The following ERI2 variants were observed in gnomAD, a reference collection of about 807,000 sequenced individuals.
ERI2 encodes ERI1 exoribonuclease family member 2.
ERI2 carries 35 observed loss-of-function variants against 46.8 expected under a neutral mutation model. That is an observed-to-expected ratio of 0.75 (90% confidence interval 0.57 to 0.99). The LOEUF is 0.99. Ranked by LOEUF, ERI2 falls within the 50% of genes least tolerant of loss-of-function variation. ERI2 has a pLI of 0.00. For synonymous variants in ERI2, 224 were observed against 271.0 expected (o/e 0.83, Z 1.70); for missense variants, 695 against 796.2 (o/e 0.87, Z 1.53).
chr16:20,799,958 A>C lies in ERI2; in HGVS notation c.642T>G (p.Ser214=). 1 of 1,583,140 alleles carries C rather than the reference A, an allele frequency of 6.3e-7. No homozygotes were observed. Among genetic ancestry groups the C allele is most frequent in the Non-Finnish European group, 8.7e-7 (1 of 1,155,548 alleles). The change falls in exon 7 of 9, where the codon TCT becomes TCG. Residue 214 remains serine, a splice_region_variant and synonymous_variant. Transcript: ENST00000357967. ...ACATAATTTTTAATGTATACTAACCAGAATGTTCTCGTCCTGAGAATTCTA... is the reference window on the plus strand; with the variant it reads ...ACATAATTTTTAATGTATACTAACCCGAATGTTCTCGTCCTGAGAATTCTA... ...VGIEFSGREH[S]GLDDSRNTAL...
chr16:20,806,357 C>CA (rs1567374975), intron 1 of ERI2, 51 bp downstream of exon 1: 1 of 1,546,764 alleles, frequency 6.5e-7, no homozygotes, highest in South Asian at 1.2e-5. Flanking sequence ...CGGCCAACGC[C>CA]AGCGCTGGAC....
chr16:20,794,021 A>G (rs1283053289), downstream of ERI2, among the ~76,000 whole-genome samples: 2 of 152,118 alleles, frequency 1.3e-5, no homozygotes, highest in African/African-American at 4.8e-5. Context: ...TGAGGGGGAA[A>G]GTGTGGCCAG....
chr16:20,796,322 A>T (rs2080722497), downstream of ERI2: 2 of 1,594,950 alleles, frequency 1.3e-6, no homozygotes, highest in African/African-American at 2.7e-5. Flanking sequence ...ATACTAAAAC[A>T]TACAAATGCA....
Position 20,800,296 on chromosome 16 carries a change from C to T in ERI2, c.561+6G>A. The T allele has an allele frequency of 1.3e-6, 2 of 1,587,028 alleles. No homozygotes were observed. The highest frequency in any genetic ancestry group is 1.3e-5 in the African/African-American group (1 of 74,300). On this transcript the variant is annotated splice_donor_region_variant and intron_variant, in intron 6 of 8. Coordinates refer to ENST00000357967, the MANE Select transcript of ERI2 (RefSeq NM_001142725.2). ...AAGTAAACATGCCCCCATTTTTTAC[C>T]ATTACCTTGTAAGTTGCTCTGAGAT...
intron 3 of ERI2, 100 bp downstream of exon 3, chr16:20,803,333 T>TAGAC: frequency 3.7e-6 from 5 of 1,359,496 alleles, no homozygotes; most frequent in Non-Finnish European, 5.0e-6. Context: ...TACCAATGCA[T>TAGAC]AGACCATCCT....
At chr16:20,789,964 G>A (rs2080561110) in intron 9 of ERI2, among the ~76,000 whole-genome samples, 1 of 151,950 alleles carries the variant, frequency 6.6e-6, no homozygotes, top group Non-Finnish European at 1.5e-5. Flanking sequence ...ATGAGCCACT[G>A]CGCCCAGCCA....
intron 7 of ERI2, 66 bp from the exon 8 acceptor site, chr16:20,799,417 ATAACT>A: frequency 1.4e-6 from 2 of 1,441,294 alleles, no homozygotes; most frequent in Non-Finnish European, 1.9e-6. Flanking sequence ...TACTAAAGAA[ATAACT>A]TAAAAAGAAA....
At chr16:20,805,215 C>T (rs1388831857) in intron 1 of ERI2, among the ~76,000 whole-genome samples, 2 of 152,010 alleles carry the variant, frequency 1.3e-5, no homozygotes, top group African/African-American at 4.8e-5. Context: ...CACCTGAGGT[C>T]GGGAGTTCGA....
intron 10 of ERI2, among the ~76,000 whole-genome samples, chr16:20,786,777 G>A (rs1265882848): frequency 2.0e-5 from 3 of 152,158 alleles, no homozygotes; most frequent in African/African-American, 2.4e-5. Context: ...GCACAAAGAG[G>A]TAAAAGAACT....
exon 11 of ERI2, chr16:20,780,647 A>G (rs1281302545): frequency 6.2e-7 from 1 of 1,613,522 alleles, no homozygotes; most frequent in African/African-American, 1.3e-5. Flanking sequence ...GCTTCTCAAA[A>G]TTTTTCAGTG....
In ERI2 at chr16:20,796,584, CT is replaced by C. The variant is rs1428351697; in HGVS notation, c.*1139del. 4.6e-5 allele frequency: 73 copies of C among 1,572,658 alleles called. No homozygotes were observed. Among genetic ancestry groups the C allele is most frequent in the Non-Finnish European group, 5.7e-5 (66 of 1,167,498 alleles). ...TTAATGAATATTTTCTTCACACATG[CT>C]GCACCACATGTCCCAAACTGAACTG... On this transcript the variant is annotated 3_prime_UTR_variant, in exon 9 of 9. Transcript: ENST00000357967.
intron 7 of ERI2, 172 bp from the exon 8 acceptor site, chr16:20,799,523 G>C (rs1798230471): frequency 2.6e-5 from 16 of 612,126 alleles, no homozygotes; most frequent in Non-Finnish European, 4.5e-5. Context: ...GAAGTGGAAG[G>C]CTATGGCAGC....
chr16:20,799,149 A>AGAG, intron 8 of ERI2, 82 bp from the exon 9 acceptor site: 1 of 1,500,614 alleles, frequency 6.7e-7, no homozygotes, highest in Non-Finnish European at 8.9e-7. Context: ...ATGACAAAAA[A>AGAG]GAGAAATGTC....
intron 10 of ERI2, among the ~76,000 whole-genome samples, chr16:20,788,187 T>C (rs1280989601): frequency 1.3e-5 from 2 of 152,178 alleles, no homozygotes; most frequent in Non-Finnish European, 2.9e-5. Flanking sequence ...GGCTTAACAA[T>C]AGTTTGTTGG....
downstream of ERI2, among the ~76,000 whole-genome samples, chr16:20,793,386 T>C (rs1480942301): frequency 2.0e-5 from 3 of 152,124 alleles, no homozygotes; most frequent in Non-Finnish European, 4.4e-5. Context: ...GAAGAATCAC[T>C]TGGACCCGGG....
At chr16:20,803,565 A>G (rs918932483) in intron 2 of ERI2, 38 bp downstream of exon 2, 3 of 1,614,052 alleles carry the variant, frequency 1.9e-6, no homozygotes, top group Non-Finnish European at 2.5e-6. Context: ...TGAAAATGCA[A>G]GGCTACAAAA....
At chr16:20,799,130 T>G in intron 8 of ERI2, 63 bp from the exon 9 acceptor site, 2 of 1,484,042 alleles carry the variant, frequency 1.3e-6, no homozygotes. Context: ...TTCTTCAGTA[T>G]ACAGTTTTAT....
rs369700164 is a variant in ERI2 at position 20,802,100 on chromosome 16, G to A, written c.303+696C>T. Among the ~76,000 whole-genome samples the A allele has an allele frequency of 3.4e-4, 52 of 150,780 alleles. 2 individuals carry two copies. The South Asian group carries it at 4.0e-3, about 12-fold the overall frequency. ...CTCACGCCTGTAATCCCAGCACCTC[G>A]GGAGGCCAAGGTGGGCAGATCACTT... On this transcript the variant is annotated intron_variant, in intron 4 of 8. Transcript: ENST00000357967.
At chr16:20,799,512 G>C (rs2080773284) in intron 7 of ERI2, 161 bp from the exon 8 acceptor site, 1 of 644,284 alleles carries the variant, frequency 1.6e-6, no homozygotes, top group Non-Finnish European at 2.6e-6. Context: ...AACTGGTCTT[G>C]GAAGTGGAAG....
Sources: gnomAD v4.1 joint callset for allele counts (sites outside exome capture counted in the v4.1 genomes callset) on GRCh38, gnomAD v4.1.1 for gene constraint, MANE v1.5 for transcripts, NCBI Gene and HGNC (gene_info 2026-07-23, HGNC 2026-07-21) for gene names.